Variants in TSPAN18 observed in about 807,000 individuals in gnomAD.
TSPAN18 encodes tetraspanin-18.
In TSPAN18, 14 loss-of-function variants were observed where a neutral mutation model predicts 27.3. The observed-to-expected ratio is 0.51, with a 90% CI of 0.34 to 0.80. The LOEUF (loss-of-function observed/expected upper bound fraction) is 0.80. Among genes scored for constraint, TSPAN18 ranks in the 30% least tolerant of loss-of-function variants. The pLI is 0.01. For missense variants in TSPAN18, 268 were observed against 323.9 expected (o/e 0.83, Z 1.32); for synonymous variants, 143 against 136.5 (o/e 1.05, Z -0.33).
intron 3 of TSPAN18, chr11:44,903,482 G>A (rs1342033514): frequency 2.2e-6 from 1 of 456,490 alleles, no homozygotes; most frequent in Non-Finnish European, 4.4e-6. Flanking sequence ...TAGAGGTTGG[G>A]TTCCAGCAAG....
At chr11:44,835,386 C>T (rs1218208968) in intron 2 of TSPAN18, among the ~76,000 whole-genome samples, 1 of 152,204 alleles carries the variant, frequency 6.6e-6, no homozygotes, top group South Asian at 2.1e-4. Context: ...CTCAGACAGG[C>T]TTAGATCTCC....
intron 1 of TSPAN18, among the ~76,000 whole-genome samples, chr11:44,744,951 G>A (rs1418812014): frequency 6.6e-6 from 1 of 152,182 alleles, no homozygotes; most frequent in Non-Finnish European, 1.5e-5. Flanking sequence ...AGGAAGGAGT[G>A]CCAAGATCAA....
At position 44,929,250 on chromosome 11, in the gene TSPAN18, TC is replaced by T; in HGVS notation, c.*76del. The T allele has an allele frequency of 1.3e-6, 2 of 1,576,804 alleles. No homozygotes were observed. The highest frequency in any genetic ancestry group is 8.7e-7 in the Non-Finnish European group (1 of 1,153,112). On this transcript the variant is annotated 3_prime_UTR_variant, in exon 10 of 10. Coordinates refer to ENST00000520358, the MANE Select transcript of TSPAN18 (RefSeq NM_130783.5). ...AGCACCCAGTGTCCTCCCGTGCCCC[TC>T]CCCGCTGTCCTCTTGGCCCCAGGGG...
chr11:44,851,384 C>G (rs1857596688), intron 2 of TSPAN18, among the ~76,000 whole-genome samples: 1 of 152,186 alleles, frequency 6.6e-6, no homozygotes, highest in Non-Finnish European at 1.5e-5. Context: ...TCTTTGTGGT[C>G]TGGCCTCTGG....
intron 2 of TSPAN18, among the ~76,000 whole-genome samples, chr11:44,823,091 A>G (rs531721152): frequency 6.6e-6 from 1 of 152,308 alleles, no homozygotes; most frequent in Admixed American, 6.5e-5. Flanking sequence ...TCATTACAAC[A>G]TTGGAAAGTG....
intron 2 of TSPAN18, among the ~76,000 whole-genome samples, chr11:44,831,380 GT>G (rs1247707089): frequency 6.6e-6 from 1 of 152,188 alleles, no homozygotes; most frequent in Non-Finnish European, 1.5e-5. Flanking sequence ...CAAAAAAGAT[GT>G]CAAGATGTTG....
At chr11:44,739,950 G>A (rs1018725053) in intron 1 of TSPAN18, among the ~76,000 whole-genome samples, 3 of 152,196 alleles carry the variant, frequency 2.0e-5, no homozygotes, top group African/African-American at 4.8e-5. Context: ...GGTGCCTGGC[G>A]TGCCACTGCA....
At chr11:44,756,010 G>A (rs1463935715) in intron 1 of TSPAN18, among the ~76,000 whole-genome samples, 1 of 151,966 alleles carries the variant, frequency 6.6e-6, no homozygotes, top group Non-Finnish European at 1.5e-5. Context: ...GAGGGAGATG[G>A]AGAGAGAGTT....
In TSPAN18 at chr11:44,884,494, C is replaced by T. The variant is rs187629275; in HGVS notation, c.-10-21913C>T. Among the ~76,000 whole-genome samples the T allele has an allele frequency of 7.9e-3, 1,208 of 152,306 alleles. 15 individuals carry two copies. Among genetic ancestry groups the T allele is most frequent in the African/African-American group, 0.024 (1,017 of 41,564 alleles). ...GCGATCAGCTCGACTTCCTCCAGTTCCTTTAGCCTCTTCTGTTGGAAAGAT... is the reference window on the plus strand; with the variant it reads ...GCGATCAGCTCGACTTCCTCCAGTTTCTTTAGCCTCTTCTGTTGGAAAGAT... On this transcript the variant is annotated intron_variant, in intron 3 of 9. Coordinates refer to ENST00000520358, the MANE Select transcript of TSPAN18 (RefSeq NM_130783.5).
At chr11:44,810,345 T>C (rs1411811487) in intron 2 of TSPAN18, among the ~76,000 whole-genome samples, 1 of 152,178 alleles carries the variant, frequency 6.6e-6, no homozygotes, top group Non-Finnish European at 1.5e-5. Flanking sequence ...TCTATGGATT[T>C]ACCTCTTCTG....
intron 2 of TSPAN18, among the ~76,000 whole-genome samples, chr11:44,805,584 G>C (rs183975741): frequency 1.3e-5 from 2 of 148,656 alleles, no homozygotes; most frequent in South Asian, 2.1e-4. Flanking sequence ...TCAGTCACAC[G>C]GTCTCCCTGG....
At chr11:44,918,990 G>A (rs772397160) in intron 6 of TSPAN18, among the ~76,000 whole-genome samples, 5 of 150,184 alleles carry the variant, frequency 3.3e-5, no homozygotes, top group African/African-American at 4.9e-5. Flanking sequence ...CCCTGACCTC[G>A]GCTCCACCGA....
rs549981265 is a variant in TSPAN18 at position 44,923,117 on chromosome 11, G to GA, written c.615+3125dup. Reference sequence around the variant, plus strand: ...CAGTGAGACTCCATCTCAAAAAAAAGAAAAAAAGAAGCCTTTGGAACAGCT... The same window carrying GA: ...CAGTGAGACTCCATCTCAAAAAAAAGAAAAAAAAGAAGCCTTTGGAACAGCT... On this transcript the variant is annotated intron_variant, in intron 8 of 9. Transcript: ENST00000520358. Among the ~76,000 whole-genome samples the GA allele has an allele frequency of 1.6e-4, 24 of 152,098 alleles. 1 individual carries two copies. The South Asian group carries it at 5.0e-3, about 32-fold the overall frequency.
At chr11:44,913,625 G>A (rs946645701) in intron 5 of TSPAN18, among the ~76,000 whole-genome samples, 1 of 152,250 alleles carries the variant, frequency 6.6e-6, no homozygotes, top group African/African-American at 2.4e-5. Context: ...TGTACATGCA[G>A]TATGTAAATT....
intron 9 of TSPAN18, among the ~76,000 whole-genome samples, chr11:44,927,672 C>T (rs1013227254): frequency 2.4e-4 from 36 of 152,302 alleles, no homozygotes; most frequent in Non-Finnish European, 4.9e-4. Context: ...TATAGTTGAA[C>T]AAGTCCCCTC....
At chr11:44,789,746 CTT>C (rs1369989502) in intron 2 of TSPAN18, among the ~76,000 whole-genome samples, 2 of 152,194 alleles carry the variant, frequency 1.3e-5, no homozygotes, top group Non-Finnish European at 2.9e-5. Flanking sequence ...GGAAATGACT[CTT>C]TATTTTCCTT....
intron 1 of TSPAN18, among the ~76,000 whole-genome samples, chr11:44,737,662 C>T (rs537034688): frequency 5.8e-4 from 89 of 152,260 alleles, no homozygotes; most frequent in Admixed American, 5.2e-4. Flanking sequence ...TCATGTTAGC[C>T]GCCTTGCTTA....
intron 2 of TSPAN18, among the ~76,000 whole-genome samples, chr11:44,788,742 C>T (rs1423076282): frequency 2.6e-5 from 4 of 152,268 alleles, no homozygotes; most frequent in South Asian, 2.1e-4. Flanking sequence ...CCACCGCACC[C>T]GGCCTGGAGG....
At chr11:44,807,280 G>A (rs1237236933) in intron 2 of TSPAN18, among the ~76,000 whole-genome samples, 1 of 146,094 alleles carries the variant, frequency 6.8e-6, no homozygotes, top group Non-Finnish European at 1.5e-5. Flanking sequence ...TATAATCTCA[G>A]CACTTTGGGA....
Sources: gnomAD v4.1 joint callset for allele counts (sites outside exome capture counted in the v4.1 genomes callset) on GRCh38, gnomAD v4.1.1 for gene constraint, MANE v1.5 for transcripts, NCBI Gene and HGNC (gene_info 2026-07-23, HGNC 2026-07-21) for gene names.